TCF12: variants seen among roughly 807,000 people sequenced by gnomAD.
The protein encoded by TCF12 is transcription factor 12.
TCF12 carries 45 observed loss-of-function variants against 86.0 expected under a neutral mutation model. The ratio of observed to expected loss-of-function variants is 0.52; its 90% CI spans 0.41 to 0.67. TCF12 has a LOEUF of 0.67. Ranked by LOEUF, TCF12 falls within the 30% of genes least tolerant of loss-of-function variation. The pLI is 0.00. For synonymous variants in TCF12, 330 were observed against 299.6 expected (o/e 1.10, Z -1.05); for missense variants, 881 against 859.9 (o/e 1.02, Z -0.31).
At chr15:57,204,035 G>A (rs565825613) in intron 8 of TCF12, among the ~76,000 whole-genome samples, 3 of 151,980 alleles carry the variant, frequency 2.0e-5, no homozygotes, top group East Asian at 3.9e-4. Flanking sequence ...ACTATAAGGA[G>A]CTTTATTGTT....
At chr15:56,920,339 T>G (rs1363343061) in intron 2 of TCF12, among the ~76,000 whole-genome samples, 1 of 152,120 alleles carries the variant, frequency 6.6e-6, no homozygotes, top group Non-Finnish European at 1.5e-5. Context: ...AAAGTGTTGT[T>G]TTTTTCTTCA....
intron 18 of TCF12, among the ~76,000 whole-genome samples, chr15:57,270,230 A>G (rs1332552349): frequency 1.3e-5 from 2 of 152,156 alleles, no homozygotes; most frequent in African/African-American, 4.8e-5. Flanking sequence ...ATGTAGTCCC[A>G]TATTTCTTGG....
rs1314977874 is a variant in TCF12 at position 57,245,156 on chromosome 15, C to G, written c.1114+1606C>G. On this transcript the variant is annotated intron_variant, in intron 13 of 20. Transcript: ENST00000333725. Reference sequence around the variant, plus strand: ...GTTGTTGTTGTTAAGCCTTTTTGCACTGTGGCCCTGGCCATCACCTATGCT... The same window carrying G: ...GTTGTTGTTGTTAAGCCTTTTTGCAGTGTGGCCCTGGCCATCACCTATGCT... 2.0e-5 allele frequency among the ~76,000 whole-genome samples: 3 copies of G among 152,220 alleles called. No homozygotes were observed. The South Asian group carries it at 6.2e-4, about 32-fold the overall frequency.
intron 13 of TCF12, among the ~76,000 whole-genome samples, chr15:57,245,631 A>G (rs1169802886): frequency 5.9e-5 from 9 of 152,210 alleles, no homozygotes; most frequent in African/African-American, 2.2e-4. Flanking sequence ...AGGGTCATCA[A>G]TGAAATGCAG....
chr15:57,226,838 A>G (rs199739634), intron 8 of TCF12, among the ~76,000 whole-genome samples: 2 of 152,300 alleles, frequency 1.3e-5, no homozygotes, highest in East Asian at 3.9e-4. Flanking sequence ...CAGTATTTAA[A>G]TAAAATAAAA....
In TCF12 at chr15:57,289,198, G is replaced by C. The variant is rs1233087433; in HGVS notation, c.*3053G>C. 1.3e-5 allele frequency: 2 copies of C among 152,144 alleles called. No individual in the cohort carries two copies. Among genetic ancestry groups the C allele is most frequent in the Non-Finnish European group, 2.9e-5 (2 of 68,034 alleles). The allele number at this position is 152,144 out of a possible 1,614,324, so 9.4% of individuals were successfully genotyped here. A position where few individuals can be genotyped will look rare whatever the true frequency, so the allele number is the denominator to read the frequency against. ...TTATGAAATCCACTGTTCACATTGGGTGCCTAACAGAACATTTTGCTTCTT... is the reference window on the plus strand; with the variant it reads ...TTATGAAATCCACTGTTCACATTGGCTGCCTAACAGAACATTTTGCTTCTT... On this transcript the variant is annotated 3_prime_UTR_variant, in exon 21 of 21. Coordinates refer to ENST00000333725, the MANE Select transcript of TCF12 (RefSeq NM_207037.2).
intron 18 of TCF12, among the ~76,000 whole-genome samples, chr15:57,265,986 T>C (rs2060846943): frequency 6.6e-6 from 1 of 152,198 alleles, no homozygotes; most frequent in Non-Finnish European, 1.5e-5. Flanking sequence ...TAACTGTATA[T>C]TAATATAAGG....
chr15:57,084,864 C>G (rs139724580), intron 4 of TCF12, among the ~76,000 whole-genome samples: 24 of 151,756 alleles, frequency 1.6e-4, no homozygotes, highest in African/African-American at 5.6e-4. Context: ...TTCAATAAAC[C>G]TTTTACAGGT....
intron 4 of TCF12, among the ~76,000 whole-genome samples, chr15:57,071,866 G>A (rs1171387006): frequency 1.3e-5 from 2 of 152,116 alleles, no homozygotes; most frequent in Non-Finnish European, 2.9e-5. Context: ...AGAAAGTCTG[G>A]AAATATGGAA....
At chr15:57,035,570 T>C (rs1002691435) in intron 3 of TCF12, among the ~76,000 whole-genome samples, 9 of 152,314 alleles carry the variant, frequency 5.9e-5, no homozygotes, top group Middle Eastern at 6.8e-3. Context: ...GCCCAGCCTC[T>C]GAAACAATAA....
intron 8 of TCF12, among the ~76,000 whole-genome samples, chr15:57,226,383 A>T (rs569901552): frequency 6.6e-6 from 1 of 152,186 alleles, no homozygotes; most frequent in East Asian, 1.9e-4. Flanking sequence ...TAATTTTGTT[A>T]TGTTTTGTTA....
At chr15:57,273,555 G>A (rs1478362908) in intron 19 of TCF12, among the ~76,000 whole-genome samples, 1 of 151,986 alleles carries the variant, frequency 6.6e-6, no homozygotes, top group African/African-American at 2.4e-5. Context: ...TGCTCTGGTT[G>A]CTTCTGATCT....
chr15:57,107,837 A>G (rs1030296307), intron 5 of TCF12, among the ~76,000 whole-genome samples: 6 of 152,142 alleles, frequency 3.9e-5, no homozygotes, highest in East Asian at 1.9e-4. Context: ...AAGCCCAAGA[A>G]TTGAAGACCG....
At chr15:57,007,775 TTTC>T (rs2064487284) in intron 3 of TCF12, among the ~76,000 whole-genome samples, 1 of 55,098 alleles carries the variant, frequency 1.8e-5, no homozygotes, top group African/African-American at 5.8e-5. Context: ...TCTTTCTTTC[TTTC>T]TTTCTTTCTT....
chr15:56,922,496 T>G (rs904778428), intron 3 of TCF12, among the ~76,000 whole-genome samples: 10 of 152,018 alleles, frequency 6.6e-5, no homozygotes, highest in African/African-American at 2.4e-4. Context: ...AAAAAGTATG[T>G]GAACTGGGAT....
chr15:57,157,037 TG>T (rs2054158222), intron 5 of TCF12, among the ~76,000 whole-genome samples: 1 of 152,208 alleles, frequency 6.6e-6, no homozygotes, highest in South Asian at 2.1e-4. Context: ...TTTGATAATT[TG>T]TTCCCTCTAT....
chr15:57,024,904 T>A (rs1276997791), intron 3 of TCF12, among the ~76,000 whole-genome samples: 1 of 152,212 alleles, frequency 6.6e-6, no homozygotes, highest in African/African-American at 2.4e-5. Flanking sequence ...AGGTAAATCC[T>A]ACATTAAAAT....
intron 19 of TCF12, among the ~76,000 whole-genome samples, chr15:57,276,005 T>A (rs186319369): frequency 1.3e-5 from 2 of 152,352 alleles, no homozygotes; most frequent in Admixed American, 6.5e-5. Flanking sequence ...CCTTTGCCAT[T>A]TTTATTCCCC....
At chr15:57,049,917 T>C (rs2067496155) in intron 3 of TCF12, among the ~76,000 whole-genome samples, 1 of 152,240 alleles carries the variant, frequency 6.6e-6, no homozygotes, top group Non-Finnish European at 1.5e-5. Flanking sequence ...TGTTTTGCCC[T>C]TTCTGACTTA....
Sources: allele counts gnomAD v4.1 joint callset (sites outside exome capture counted in the v4.1 genomes callset), GRCh38; gene constraint gnomAD v4.1.1; transcripts MANE v1.5; gene names NCBI Gene and HGNC (gene_info 2026-07-23, HGNC 2026-07-21).